The following SAMD5 variants were observed in gnomAD, a reference collection of about 807,000 sequenced individuals.
SAMD5 encodes the protein sterile alpha motif domain containing 5.
Under a neutral mutation model 11.3 loss-of-function variants are expected in SAMD5, and 13 were observed. The ratio of observed to expected loss-of-function variants is 1.15; its 90% CI spans 0.75 to 1.83. The LOEUF (loss-of-function observed/expected upper bound fraction) is 1.83, where lower values mean the gene tolerates loss of function less well. Ranked by LOEUF, SAMD5 falls within the 40% of genes most tolerant of loss-of-function variation. The probability of loss-of-function intolerance (pLI) is 0.00; values close to 1 mark genes in which losing one functional copy is unlikely to be tolerated. For synonymous variants in SAMD5, 129 were observed against 111.3 expected (o/e 1.16, Z -1.00); for missense variants, 255 against 239.1 (o/e 1.07, Z -0.44).
chr6:147,691,000 T>TG (rs1791094233), intron 1 of SAMD5, among the ~76,000 whole-genome samples: 1 of 47,064 alleles, frequency 2.1e-5, no homozygotes, highest in African/African-American at 8.6e-5. Flanking sequence ...GGATCGGGGG[T>TG]GTGGGGGTGG....
At chr6:147,756,265 TTAA>T in the SAMD5 span, among the ~76,000 whole-genome samples, 1 of 152,136 alleles carries the variant, frequency 6.6e-6, no homozygotes, top group South Asian at 2.1e-4. Flanking sequence ...ATTTGGGCTA[TTAA>T]TACAATACGC....
intron 1 of SAMD5, among the ~76,000 whole-genome samples, chr6:147,732,786 T>C (rs960001254): frequency 1.3e-5 from 2 of 152,212 alleles, no homozygotes; most frequent in Non-Finnish European, 2.9e-5. Context: ...AATCAGCCAT[T>C]ATCCAACAGA....
the SAMD5 span, among the ~76,000 whole-genome samples, chr6:147,818,112 C>T: frequency 2.6e-5 from 4 of 152,280 alleles, no homozygotes; most frequent in African/African-American, 4.8e-5. Context: ...CATTCACATC[C>T]GCACACATGC....
At chr6:147,529,945 G>C (rs528078305) in intron 1 of SAMD5, among the ~76,000 whole-genome samples, 4 of 152,210 alleles carry the variant, frequency 2.6e-5, no homozygotes, top group African/African-American at 7.2e-5. Flanking sequence ...AATAAAGTTA[G>C]TAAAAAAGAT....
At chr6:147,681,863 G>A (rs1400045795) in intron 1 of SAMD5, among the ~76,000 whole-genome samples, 2 of 152,150 alleles carry the variant, frequency 1.3e-5, no homozygotes. Flanking sequence ...GTTACACTCT[G>A]GCTGGTGGGA....
At chr6:147,702,809 A>G (rs1411582839) in intron 1 of SAMD5, among the ~76,000 whole-genome samples, 1 of 140,858 alleles carries the variant, frequency 7.1e-6, no homozygotes, top group Non-Finnish European at 1.6e-5. Flanking sequence ...TGTTTAGTCT[A>G]TTTGTATATG....
chr6:147,799,325 T>C, the SAMD5 span, among the ~76,000 whole-genome samples: 9 of 152,164 alleles, frequency 5.9e-5, no homozygotes, highest in East Asian at 1.7e-3. Flanking sequence ...CCTTCACTTT[T>C]GAAGCTTAGT....
chr6:147,754,389 C>G, the SAMD5 span, among the ~76,000 whole-genome samples: 11 of 123,504 alleles, frequency 8.9e-5, no homozygotes, highest in African/African-American at 2.7e-4. Flanking sequence ...AAATCTTTTA[C>G]CCATTTTTGG....
chr6:147,795,245 G>A, the SAMD5 span, among the ~76,000 whole-genome samples: 1 of 132,936 alleles, frequency 7.5e-6, no homozygotes, highest in East Asian at 2.3e-4. Flanking sequence ...TCCCCAGAGT[G>A]TGATGTTCCC....
intron 1 of SAMD5, among the ~76,000 whole-genome samples, chr6:147,698,775 G>A (rs1791213978): frequency 6.6e-6 from 1 of 152,170 alleles, no homozygotes; most frequent in Non-Finnish European, 1.5e-5. Context: ...AAATAAACAA[G>A]ACTGTTGAGA....
chr6:147,700,336 T>C (rs1468058199), intron 1 of SAMD5, among the ~76,000 whole-genome samples: 5 of 152,232 alleles, frequency 3.3e-5, no homozygotes, highest in Non-Finnish European at 7.3e-5. Context: ...TTTGTGTTAT[T>C]AGATCCTGAG....
the SAMD5 span, among the ~76,000 whole-genome samples, chr6:147,907,200 A>G: frequency 6.6e-6 from 1 of 152,198 alleles, no homozygotes; most frequent in Non-Finnish European, 1.5e-5. Context: ...TTCCCACTTA[A>G]GATCCCGGGT....
At chr6:147,589,815 C>G (rs894156040) in intron 1 of SAMD5, among the ~76,000 whole-genome samples, 1 of 152,166 alleles carries the variant, frequency 6.6e-6, no homozygotes, top group African/African-American at 2.4e-5. Context: ...TGATGCCTAA[C>G]ACATAGTCAG....
chr6:147,751,487 A>G, the SAMD5 span, among the ~76,000 whole-genome samples: 2 of 152,204 alleles, frequency 1.3e-5, no homozygotes, highest in South Asian at 4.1e-4. Context: ...AGTGAATGAC[A>G]GATTCACTAA....
chr6:147,778,868 G>T, the SAMD5 span, among the ~76,000 whole-genome samples: 1 of 151,672 alleles, frequency 6.6e-6, no homozygotes, highest in Non-Finnish European at 1.5e-5. Context: ...AAAAAAAATT[G>T]ATGAGTACAG....
At chr6:147,604,776 C>T (rs1295415000) in intron 1 of SAMD5, among the ~76,000 whole-genome samples, 1 of 152,206 alleles carries the variant, frequency 6.6e-6, no homozygotes, top group Non-Finnish European at 1.5e-5. Flanking sequence ...TGATAGCTTT[C>T]TACATACGTC....
At chr6:147,785,629 T>C in the SAMD5 span, among the ~76,000 whole-genome samples, 23 of 152,190 alleles carry the variant, frequency 1.5e-4, no homozygotes, top group African/African-American at 5.5e-4. Flanking sequence ...TGTGCACATA[T>C]GCCTTACAGT....
intron 1 of SAMD5, among the ~76,000 whole-genome samples, chr6:147,624,704 G>C (rs1790024929): frequency 6.6e-6 from 1 of 152,038 alleles, no homozygotes; most frequent in African/African-American, 2.4e-5. Context: ...TGATACAATG[G>C]ACTTTTGGGA....
chr6:147,522,672 T>C (rs916084074), intron 1 of SAMD5, among the ~76,000 whole-genome samples: 16 of 152,192 alleles, frequency 1.1e-4, no homozygotes, highest in East Asian at 1.9e-4. Flanking sequence ...TCATGAAAAA[T>C]GTTTGACATT....
Sources: allele counts gnomAD v4.1 joint callset (sites outside exome capture counted in the v4.1 genomes callset), GRCh38; gene constraint gnomAD v4.1.1; transcripts MANE v1.5; gene names NCBI Gene and HGNC (gene_info 2026-07-23, HGNC 2026-07-21).